CREB5: variants seen among roughly 807,000 people sequenced by gnomAD.
The protein encoded by CREB5 is cAMP responsive element binding protein 5.
In CREB5, 19 loss-of-function variants were observed where a neutral mutation model predicts 57.1. The observed-to-expected ratio is 0.33, with a 90% CI of 0.23 to 0.49. The LOEUF (loss-of-function observed/expected upper bound fraction) is 0.49, where lower values mean the gene tolerates loss of function less well. CREB5 is among the 20% of genes least tolerant of loss of function. The pLI is 0.99. For missense variants in CREB5, 579 were observed against 671.6 expected (o/e 0.86, Z 1.52); for synonymous variants, 238 against 238.3 (o/e 1.00, Z 0.01).
At chr7:28,545,446 T>C (rs160371) in intron 4 of CREB5, among the ~76,000 whole-genome samples, 3,331 of 152,304 alleles carry the variant, frequency 0.022, 142 homozygotes, top group African/African-American at 0.075. Context: ...TTCTTTTCTT[T>C]TCACCTAGTT....
At position 28,667,332 on chromosome 7, in the gene CREB5, C is replaced by A. The variant is rs1003477864; in HGVS notation, c.465-51421C>A. 3.0e-4 allele frequency among the ~76,000 whole-genome samples: 45 copies of A among 150,622 alleles called. 2 individuals are homozygous for A. The highest frequency in any genetic ancestry group is 1.1e-3 in the African/African-American group (44 of 40,880). Reference sequence around the variant, plus strand: ...AACTGCCAGCAAGTTTTGTTTGGGGCAATTAAAATGCTATGTGACCCCTTA... The same window carrying A: ...AACTGCCAGCAAGTTTTGTTTGGGGAAATTAAAATGCTATGTGACCCCTTA... On this transcript the variant is annotated intron_variant, in intron 5 of 10. Transcript: ENST00000357727.
rs147218817 is a variant in CREB5 at position 28,534,001 on chromosome 7, T to C, written c.291+26264T>C. Among the ~76,000 whole-genome samples, 87 of 152,342 alleles carry C rather than the reference T, an allele frequency of 5.7e-4. No individual in the cohort carries two copies. In the Middle Eastern group the frequency reaches 0.014, roughly 24 times the overall value. On this transcript the variant is annotated intron_variant, in intron 4 of 10. Coordinates refer to ENST00000357727, the MANE Select transcript of CREB5 (RefSeq NM_182898.4). The stretch of plus-strand genomic sequence containing the variant: ...AGTTATGTTCTGAGAACCTAGATCC[T>C]GTCATCCCAACCCTGGAAAAGCAAA...
intron 5 of CREB5, among the ~76,000 whole-genome samples, chr7:28,686,759 T>A (rs761677678): frequency 6.6e-6 from 1 of 152,230 alleles, no homozygotes; most frequent in African/African-American, 2.4e-5. Flanking sequence ...TCAATTGCAG[T>A]GACTGTAACC....
intron 5 of CREB5, among the ~76,000 whole-genome samples, chr7:28,575,788 G>A (rs1795887575): frequency 6.6e-6 from 1 of 152,132 alleles, no homozygotes; most frequent in Non-Finnish European, 1.5e-5. Context: ...GCCCTTCTGG[G>A]GGATGCTTTC....
intron 1 of CREB5, among the ~76,000 whole-genome samples, chr7:28,301,612 G>A (rs1395046021): frequency 6.6e-6 from 1 of 152,172 alleles, no homozygotes; most frequent in Non-Finnish European, 1.5e-5. Flanking sequence ...ATTGTCTAAA[G>A]GGACTCTATA....
intron 7 of CREB5, among the ~76,000 whole-genome samples, chr7:28,768,189 G>A (rs1806111634): frequency 6.6e-6 from 1 of 152,128 alleles, no homozygotes; most frequent in Non-Finnish European, 1.5e-5. Context: ...TGCAGGGAAG[G>A]GACCTTCTTC....
intron 5 of CREB5, among the ~76,000 whole-genome samples, chr7:28,702,003 T>C (rs1166448676): frequency 2.0e-5 from 3 of 152,178 alleles, no homozygotes; most frequent in Non-Finnish European, 4.4e-5. Context: ...GCCCTATCAC[T>C]CTGAAGTTCA....
chr7:28,524,360 C>CACAT (rs70977052), intron 4 of CREB5, among the ~76,000 whole-genome samples: 1 of 147,344 alleles, frequency 6.8e-6, no homozygotes, highest in Non-Finnish European at 1.5e-5. Flanking sequence ...CACACACACA[C>CACAT]GGCAGATGTG....
intron 5 of CREB5, among the ~76,000 whole-genome samples, chr7:28,638,264 G>GACACACAAACACAC (rs1798504770): frequency 1.4e-5 from 2 of 145,712 alleles, no homozygotes; most frequent in Non-Finnish European, 3.0e-5. Context: ...AAAGAAACTA[G>GACACACAAACACAC]ACACACACAC....
intron 5 of CREB5, among the ~76,000 whole-genome samples, chr7:28,611,876 A>G (rs1364649622): frequency 6.6e-6 from 1 of 152,020 alleles, no homozygotes; most frequent in Non-Finnish European, 1.5e-5. Flanking sequence ...GCAAGGGTGA[A>G]TTTTACTATA....
rs144700774 is a variant in CREB5, at chr7:28,824,196, A to C, written c.*4917A>C. The C allele has an allele frequency of 2.0e-4, 30 of 152,724 alleles. No homozygotes were observed. The highest frequency in any genetic ancestry group is 5.1e-4 in the African/African-American group (21 of 41,582). 9.5% of individuals were successfully genotyped at this position (152,724 alleles called of 1,614,324 possible). A position where few individuals can be genotyped will look rare whatever the true frequency, so the allele number is the denominator to read the frequency against. On this transcript the variant is annotated 3_prime_UTR_variant, in exon 11 of 11. Coordinates refer to ENST00000357727, the MANE Select transcript of CREB5 (RefSeq NM_182898.4). ...AGGTGAAGCCTACTACAAGAATGCC[A>C]AGGAGAAGAGCCAGTACACTATATG...
chr7:28,497,466 GA>G (rs1463494440), intron 3 of CREB5, among the ~76,000 whole-genome samples: 3 of 152,204 alleles, frequency 2.0e-5, no homozygotes, highest in Admixed American at 2.0e-4. Flanking sequence ...AAAATGAAGA[GA>G]AAAACAGTAT....
Position 28,507,656 on chromosome 7 carries a change from GGAGGTGGGCCTCTTCAGC to G in CREB5, c.214_231del (p.Val72_Glu77del). The G allele has an allele frequency of 6.2e-7, 1 of 1,610,942 alleles. No individual in the cohort carries two copies. On this transcript the variant is annotated inframe_deletion, in exon 4 of 11. Coordinates refer to ENST00000357727, the MANE Select transcript of CREB5 (RefSeq NM_182898.4). ...CAACGAGATTCCTGAAGAACTGCGAGGAGGTGGGCCTCTTCAGCGAGCTGGACTGCTCCCTGGAGCACG... is the reference window on the plus strand; with the variant it reads ...CAACGAGATTCCTGAAGAACTGCGAGGAGCTGGACTGCTCCCTGGAGCACG...
chr7:28,553,477 GTTC>G (rs1794749781), intron 4 of CREB5, among the ~76,000 whole-genome samples: 2 of 152,140 alleles, frequency 1.3e-5, no homozygotes, highest in Non-Finnish European at 2.9e-5. Context: ...ATGCTGCCAG[GTTC>G]CTGTTTATAT....
intron 7 of CREB5, among the ~76,000 whole-genome samples, chr7:28,752,332 A>C (rs1057347953): frequency 6.6e-5 from 10 of 152,024 alleles, no homozygotes; most frequent in Non-Finnish European, 1.5e-4. Flanking sequence ...ACACCTAGCT[A>C]ATTTTTATAG....
intron 5 of CREB5, among the ~76,000 whole-genome samples, chr7:28,655,166 G>C (rs185002299): frequency 6.6e-6 from 1 of 152,270 alleles, no homozygotes; most frequent in African/African-American, 2.4e-5. Context: ...GCCCCCCAAA[G>C]TGCTGAGGTT....
At chr7:28,420,877 A>G (rs925867347) in intron 1 of CREB5, among the ~76,000 whole-genome samples, 1 of 152,166 alleles carries the variant, frequency 6.6e-6, no homozygotes, top group African/African-American at 2.4e-5. Context: ...CACAGTTATA[A>G]GAAATGGGGA....
chr7:28,581,105 G>C (rs529549499), intron 5 of CREB5, among the ~76,000 whole-genome samples: 1 of 152,342 alleles, frequency 6.6e-6, no homozygotes, highest in South Asian at 2.1e-4. Flanking sequence ...CAGTCTGAGA[G>C]ACAAAGTGCA....
rs559047830 is a variant in CREB5, at chr7:28,647,118, C to T, written c.465-71635C>T. Among the ~76,000 whole-genome samples, 5 of 151,748 alleles carry T rather than the reference C, an allele frequency of 3.3e-5. No homozygotes were observed. In the South Asian group the frequency reaches 1.0e-3, roughly 32 times the overall value. On this transcript the variant is annotated intron_variant, in intron 5 of 10. Transcript: ENST00000357727. ...GAATTAGCCAGAGACTGGAGGGAAT[C>T]AATCACACCAAAGACGCAGAGATCA...
Sources: gnomAD v4.1 joint callset for allele counts (sites outside exome capture counted in the v4.1 genomes callset) on GRCh38, gnomAD v4.1.1 for gene constraint, MANE v1.5 for transcripts, NCBI Gene and HGNC (gene_info 2026-07-23, HGNC 2026-07-21) for gene names.